The following MTOR variants were observed in gnomAD, a reference collection of about 807,000 sequenced individuals.
MTOR encodes mechanistic target of rapamycin kinase, also known as serine/threonine-protein kinase mTOR.
A neutral mutation model predicts 319.8 loss-of-function variants in MTOR; 70 were observed. The observed-to-expected ratio is 0.22, with a 90% CI of 0.18 to 0.27. The LOEUF (loss-of-function observed/expected upper bound fraction) is 0.27. Ranked by LOEUF, MTOR falls within the 10% of genes least tolerant of loss-of-function variation. The pLI, the probability that MTOR is intolerant of heterozygous loss-of-function variation, is 1.00. For missense variants in MTOR, 1,890 were observed against 3,274.4 expected (o/e 0.58, Z 10.32); for synonymous variants, 1,183 against 1,211.4 (o/e 0.98, Z 0.49).
rs772951470 is a variant in MTOR at position 11,238,065 on chromosome 1, G to A, written c.2003-17C>T. ...TGTCAGGGTCTGCAAGAGCAATGGA[G>A]CCTTTGAACATTTCCTCATGATCCC... On this transcript the variant is annotated splice_polypyrimidine_tract_variant and intron_variant, in intron 12 of 57. Transcript: ENST00000361445. 16 of 1,612,828 alleles carry A rather than the reference G, an allele frequency of 9.9e-6. No individual in the cohort carries two copies. The highest frequency in any genetic ancestry group is 4.5e-5 in the East Asian group (2 of 44,874).
intron 23 of MTOR, 142 bp from the exon 24 acceptor site, chr1:11,211,048 T>C (rs1218509485): frequency 1.7e-6 from 1 of 602,500 alleles, no homozygotes; most frequent in Non-Finnish European, 2.9e-6. Context: ...GAATCCTTCT[T>C]CCCATCTCCC....
chr1:11,260,787 G>A (rs1448033182), intron 1 of MTOR, among the ~76,000 whole-genome samples: 1 of 149,388 alleles, frequency 6.7e-6, no homozygotes, highest in African/African-American at 2.5e-5. Flanking sequence ...ATTTGGACTA[G>A]TCATTTTTTT....
At chr1:11,169,850 C>G (rs908573745) in intron 28 of MTOR, among the ~76,000 whole-genome samples, 4 of 152,196 alleles carry the variant, frequency 2.6e-5, no homozygotes, top group Non-Finnish European at 5.9e-5. Context: ...TAAGCAGGTC[C>G]TTCACCTGTG....
At chr1:11,157,852 G>A (rs1230274984) in intron 29 of MTOR, among the ~76,000 whole-genome samples, 3 of 152,130 alleles carry the variant, frequency 2.0e-5, no homozygotes, top group Non-Finnish European at 2.9e-5. Flanking sequence ...TAAACTTTCA[G>A]GAAATAATAA....
chr1:11,172,528 C>A (rs1216954684), intron 28 of MTOR, among the ~76,000 whole-genome samples: 1 of 140,202 alleles, frequency 7.1e-6, no homozygotes, highest in Non-Finnish European at 1.5e-5. Flanking sequence ...CCACTGCATT[C>A]CAACCTGGGT....
In MTOR at chr1:11,252,883, G is replaced by A. The variant is rs144592192; in HGVS notation, c.840+956C>T. ...TCACCCAGACTACCGTAATAGCTTC[G>A]TCTGGCAGCCGTGAGAATGCAACCT... is the stretch of plus-strand genomic sequence containing the variant. On this transcript the variant is annotated intron_variant, in intron 6 of 57. Coordinates refer to ENST00000361445, the MANE Select transcript of MTOR (RefSeq NM_004958.4). Among the ~76,000 whole-genome samples the A allele has an allele frequency of 1.4e-3, 215 of 152,224 alleles. 1 individual carries two copies. The highest frequency in any genetic ancestry group is 4.5e-3 in the African/African-American group (188 of 41,522).
At chr1:11,158,305 C>T (rs1470296834) in intron 29 of MTOR, among the ~76,000 whole-genome samples, 1 of 152,180 alleles carries the variant, frequency 6.6e-6, no homozygotes, top group East Asian at 1.9e-4. Context: ...CCCTCTTCCC[C>T]TTTCTAAATA....
In MTOR at chr1:11,199,371, A is replaced by C; in HGVS notation, c.4140T>G (p.Ile1380Met). The change falls in exon 28 of 58, where the codon ATT becomes ATG. Residue 1380 changes from isoleucine (I) to methionine (M), a missense_variant. Transcript: ENST00000361445. The surrounding 1 kb of genome is among the most constrained non-coding windows in gnomAD (Gnocchi z 4.5). ...TGGCAGCTCTCTCACCCAGCAGAAC[A>C]ATGCCATTGTCATCTCTCAGTGGCA... Reference protein sequence around the residue: ...GPLPLRDDNGIVLLGERAAKC... With the variant: ...GPLPLRDDNGMVLLGERAAKC... The C allele has an allele frequency of 6.2e-7, 1 of 1,614,190 alleles. No individual in the cohort carries two copies. The highest frequency in any genetic ancestry group is 1.1e-5 in the South Asian group (1 of 91,068).
chr1:11,119,410 C>G (rs1250058906), intron 49 of MTOR, among the ~76,000 whole-genome samples: 1 of 143,448 alleles, frequency 7.0e-6, no homozygotes, highest in Non-Finnish European at 1.5e-5. Context: ...ATTAAAAATA[C>G]AAAAAAAAAA....
At chr1:11,250,864 C>G (rs1649579695) in intron 6 of MTOR, among the ~76,000 whole-genome samples, 1 of 152,146 alleles carries the variant, frequency 6.6e-6, no homozygotes, top group African/African-American at 2.4e-5. Context: ...GGCCAAACAC[C>G]TTGACACTTC....
intron 28 of MTOR, chr1:11,194,646 A>G (rs1489959295): frequency 1.2e-6 from 2 of 1,614,110 alleles, no homozygotes; most frequent in Non-Finnish European, 1.7e-6. Flanking sequence ...ACAAGTGTGC[A>G]CAGCTCCGCA....
intron 19 of MTOR, among the ~76,000 whole-genome samples, chr1:11,223,968 G>A (rs967324043): frequency 6.7e-6 from 1 of 150,222 alleles, no homozygotes; most frequent in African/African-American, 2.5e-5. Flanking sequence ...GAACCCAAGA[G>A]GCAGAGGTTG....
rs1009208801 is a variant in MTOR, at chr1:11,257,264, G to A, written c.272-99C>T. On this transcript the variant is annotated intron_variant, in intron 3 of 57. Coordinates refer to ENST00000361445, the MANE Select transcript of MTOR (RefSeq NM_004958.4). ...AAGCTGGTGAGTGCCGGCCAGGCAC[G>A]GTGGCTCAAGTCTGTAATCCTAGCA... is the stretch of plus-strand genomic sequence containing the variant. 6.1e-6 allele frequency: 6 copies of A among 984,670 alleles called. No homozygotes were observed. In the African/African-American group the frequency reaches 8.0e-5, roughly 13 times the overall value. The allele number at this position is 984,670 out of a possible 1,614,324, so 61.0% of individuals were successfully genotyped here.
Position 11,109,993 on chromosome 1 carries a change from C to CA in MTOR, c.7367-265dup, listed in dbSNP as rs5772442. On this transcript the variant is annotated intron_variant, in intron 54 of 57. Coordinates refer to ENST00000361445, the MANE Select transcript of MTOR (RefSeq NM_004958.4). The surrounding 1 kb of genome is among the most constrained non-coding windows in gnomAD (Gnocchi z 4.0). Reference sequence around the variant, plus strand: ...CAAGACCAGCCTGAGACTCCATTTGCAAAAAAAAAAAAAAAAATTTTTAAA... The same window carrying CA: ...CAAGACCAGCCTGAGACTCCATTTGCAAAAAAAAAAAAAAAAAATTTTTAAA... 0.63 allele frequency among the ~76,000 whole-genome samples: 81,704 copies of CA among 129,726 alleles called. 26,717 individuals carry two copies. Among genetic ancestry groups the CA allele is most frequent in the East Asian group, 0.8 (3,836 of 4,814 alleles). 85.1% of individuals were successfully genotyped at this position (129,726 alleles called of 152,430 possible).
chr1:11,110,537 C>T (rs539035168), intron 54 of MTOR, among the ~76,000 whole-genome samples: 6 of 152,100 alleles, frequency 3.9e-5, no homozygotes, highest in African/African-American at 1.4e-4. Context: ...GCTGGGATTA[C>T]AGGCATGCGC....
intron 29 of MTOR, among the ~76,000 whole-genome samples, chr1:11,158,868 C>T (rs895436064): frequency 6.6e-6 from 1 of 152,032 alleles, no homozygotes; most frequent in African/African-American, 2.4e-5. Context: ...AAGGTTTAAG[C>T]AATGAATCAC....
chr1:11,119,952 G>A (rs952433834), intron 49 of MTOR, among the ~76,000 whole-genome samples: 26 of 150,832 alleles, frequency 1.7e-4, no homozygotes, highest in Admixed American at 1.5e-3. Flanking sequence ...GGTGTAGGCC[G>A]GGCGTGGTGG....
In MTOR at chr1:11,189,909, C is replaced by T. The variant is rs1229777226; in HGVS notation, c.4253+9349G>A. The T allele has an allele frequency of 4.3e-6, 7 of 1,613,848 alleles. No individual in the cohort carries two copies. In the South Asian group the frequency reaches 7.7e-5, roughly 18 times the overall value. On this transcript the variant is annotated intron_variant, in intron 28 of 57. Coordinates refer to ENST00000361445, the MANE Select transcript of MTOR (RefSeq NM_004958.4). ...ACTCCGAGATGAACAACCAAATTGA[C>T]ATCATGCAGCTGCAGGCAGCACAGA...
intron 34 of MTOR, chr1:11,144,332 T>G (rs140759196): frequency 3.8e-6 from 1 of 265,066 alleles, no homozygotes; most frequent in Non-Finnish European, 7.4e-6. Context: ...TCTACTGTGC[T>G]GCTAAGGTTG....
Sources: allele counts gnomAD v4.1 joint callset (sites outside exome capture counted in the v4.1 genomes callset), GRCh38; gene constraint gnomAD v4.1.1; non-coding constraint Gnocchi (gnomAD v3.1); transcripts MANE v1.5; gene names NCBI Gene and HGNC (gene_info 2026-07-23, HGNC 2026-07-21).